Variants in TRAPPC9 observed in about 807,000 individuals in gnomAD.
The protein encoded by TRAPPC9 is trafficking protein particle complex subunit 9.
TRAPPC9 carries 83 observed loss-of-function variants against 124.0 expected under a neutral mutation model. The observed-to-expected ratio is 0.67, with a 90% CI of 0.56 to 0.80. The LOEUF (loss-of-function observed/expected upper bound fraction) is 0.80. Among genes scored for constraint, TRAPPC9 ranks in the 30% least tolerant of loss-of-function variants. The pLI is 0.00. For missense variants in TRAPPC9, 1,302 were observed against 1,508.3 expected (o/e 0.86, Z 2.27); for synonymous variants, 638 against 617.5 (o/e 1.03, Z -0.49).
chr8:140,256,554 C>T (rs1385019150), intron 15 of TRAPPC9, among the ~76,000 whole-genome samples: 3 of 152,142 alleles, frequency 2.0e-5, no homozygotes, highest in East Asian at 1.9e-4. Flanking sequence ...CACCTGCTTC[C>T]GCTTGGTTGC....
At chr8:140,111,560 G>A (rs1032359309) in intron 17 of TRAPPC9, among the ~76,000 whole-genome samples, 1 of 152,232 alleles carries the variant, frequency 6.6e-6, no homozygotes. Context: ...ACTGATGCCC[G>A]TGAGCAGAGC....
chr8:140,200,253 C>A (rs1019203269), intron 17 of TRAPPC9, among the ~76,000 whole-genome samples: 9 of 149,744 alleles, frequency 6.0e-5, no homozygotes, highest in African/African-American at 2.2e-4. Flanking sequence ...GGTTTCCTAG[C>A]GCTATCCACT....
In TRAPPC9 at chr8:139,932,077, A is replaced by G. The variant is rs557549851; in HGVS notation, c.2811-21777T>C. 7.9e-4 allele frequency: 271 copies of G among 342,776 alleles called. 5 individuals are homozygous for G. The Admixed American group carries it at 0.011, about 13-fold the overall frequency. The allele number at this position is 342,776 out of a possible 1,614,324, so 21.2% of individuals were successfully genotyped here. A position where few individuals can be genotyped will look rare whatever the true frequency, so the allele number is the denominator to read the frequency against. On this transcript the variant is annotated intron_variant, in intron 19 of 22. Coordinates refer to ENST00000438773, the MANE Select transcript of TRAPPC9 (RefSeq NM_001160372.4). ...CCTAAGAGCAATAATACAATTCAAA[A>G]GGAGATAGAAGAGGCCGCAGAGGTG... is the stretch of plus-strand genomic sequence containing the variant.
intron 21 of TRAPPC9, among the ~76,000 whole-genome samples, chr8:139,817,735 G>A (rs1207748262): frequency 6.6e-6 from 1 of 152,186 alleles, no homozygotes; most frequent in East Asian, 1.9e-4. Context: ...TCCACTGCTG[G>A]GGACCACTCA....
chr8:140,201,057 C>T (rs2062777092), intron 17 of TRAPPC9, among the ~76,000 whole-genome samples: 2 of 152,192 alleles, frequency 1.3e-5, no homozygotes, highest in Admixed American at 1.3e-4. Flanking sequence ...CCGTGCTATT[C>T]TAACGCCGGA....
At chr8:139,989,980 A>G (rs148651934) in intron 18 of TRAPPC9, among the ~76,000 whole-genome samples, 4 of 152,278 alleles carry the variant, frequency 2.6e-5, no homozygotes, top group African/African-American at 9.6e-5. Context: ...ACAGCAACTG[A>G]GCAGAGGCCA....
intron 19 of TRAPPC9, chr8:139,931,209 T>C (rs1469979460): frequency 3.3e-5 from 5 of 152,088 alleles, no homozygotes; most frequent in Admixed American, 6.5e-5. Flanking sequence ...ATATTAACCA[T>C]AGACAACTGC....
chr8:140,056,486 TA>T (rs1304020839), intron 17 of TRAPPC9, among the ~76,000 whole-genome samples: 2 of 151,180 alleles, frequency 1.3e-5, no homozygotes, highest in Non-Finnish European at 2.9e-5. Flanking sequence ...ATCAATGGAA[TA>T]AAGGGCTCAG....
chr8:139,753,606 T>A (rs1053332350), intron 21 of TRAPPC9, among the ~76,000 whole-genome samples: 3 of 152,274 alleles, frequency 2.0e-5, no homozygotes, highest in Admixed American at 2.0e-4. Context: ...AAGCCTTCTG[T>A]ACTCCTTCCA....
At chr8:140,425,657 A>G (rs2070396935) in intron 5 of TRAPPC9, among the ~76,000 whole-genome samples, 1 of 152,222 alleles carries the variant, frequency 6.6e-6, no homozygotes, top group African/African-American at 2.4e-5. Flanking sequence ...TAACCAGCCA[A>G]ACTGGGGCTC....
At chr8:140,196,886 A>C (rs371246015) in intron 17 of TRAPPC9, among the ~76,000 whole-genome samples, 20 of 151,348 alleles carry the variant, frequency 1.3e-4, no homozygotes, top group African/African-American at 4.8e-4. Context: ...GTGATACTAA[A>C]ACACTCAACG....
chr8:139,920,770 G>A (rs1417436493), intron 19 of TRAPPC9, among the ~76,000 whole-genome samples: 3 of 152,248 alleles, frequency 2.0e-5, no homozygotes, highest in African/African-American at 7.2e-5. Context: ...ACTAGGTTCA[G>A]GACCAGCAGC....
At chr8:140,150,197 C>T (rs1457826913) in intron 17 of TRAPPC9, among the ~76,000 whole-genome samples, 1 of 152,204 alleles carries the variant, frequency 6.6e-6, no homozygotes. Context: ...CCTGTAATCC[C>T]ACCACTTTGG....
chr8:139,990,980 G>A (rs1837604980), intron 18 of TRAPPC9, among the ~76,000 whole-genome samples: 1 of 152,156 alleles, frequency 6.6e-6, no homozygotes, highest in South Asian at 2.1e-4. Flanking sequence ...GGTTTTCTGG[G>A]TGGGGCTGCC....
chr8:139,872,222 G>A (rs1261541721), intron 21 of TRAPPC9, among the ~76,000 whole-genome samples: 1 of 151,520 alleles, frequency 6.6e-6, no homozygotes, highest in Non-Finnish European at 1.5e-5. Flanking sequence ...ATGGATCAGT[G>A]GGCCAGTGGA....
chr8:140,077,293 T>C (rs1293039106), intron 17 of TRAPPC9, among the ~76,000 whole-genome samples: 2 of 152,232 alleles, frequency 1.3e-5, no homozygotes, highest in African/African-American at 2.4e-5. Flanking sequence ...GGTTCACTTG[T>C]TCAACAGAAG....
At chr8:140,441,210 G>A (rs1387398745) in intron 2 of TRAPPC9, among the ~76,000 whole-genome samples, 6 of 151,738 alleles carry the variant, frequency 4.0e-5, no homozygotes, top group African/African-American at 1.2e-4. Context: ...CGAACTCCTG[G>A]GCTCAAGTGA....
At chr8:139,834,470 G>C (rs1281957118) in intron 21 of TRAPPC9, among the ~76,000 whole-genome samples, 1 of 152,248 alleles carries the variant, frequency 6.6e-6, no homozygotes, top group African/African-American at 2.4e-5. Context: ...TCTGAGGAAG[G>C]GGGGCGGGCA....
intron 21 of TRAPPC9, among the ~76,000 whole-genome samples, chr8:139,738,802 G>C (rs2130037583): frequency 6.6e-6 from 1 of 152,324 alleles, no homozygotes; most frequent in East Asian, 1.9e-4. Context: ...AGGCCACTAG[G>C]GGAGACCCAG....
Sources: gnomAD v4.1 joint callset for allele counts (sites outside exome capture counted in the v4.1 genomes callset) on GRCh38, gnomAD v4.1.1 for gene constraint, MANE v1.5 for transcripts, NCBI Gene and HGNC (gene_info 2026-07-23, HGNC 2026-07-21) for gene names.